CEP85L: variants seen among roughly 807,000 people sequenced by gnomAD.
The protein encoded by CEP85L is centrosomal protein of 85 kDa-like.
Under a neutral mutation model 100.3 loss-of-function variants are expected in CEP85L, and 60 were observed. The ratio of observed to expected loss-of-function variants is 0.60; its 90% CI spans 0.49 to 0.74. The LOEUF (loss-of-function observed/expected upper bound fraction) is 0.74, where lower values mean the gene tolerates loss of function less well. Among genes scored for constraint, CEP85L ranks in the 30% least tolerant of loss-of-function variants. The pLI is 0.00. For synonymous variants in CEP85L, 319 were observed against 322.7 expected, an observed-to-expected ratio of 0.99 and a Z score of 0.12; for missense variants, 973 against 936.2, an observed-to-expected ratio of 1.04 and a Z score of -0.51.
intron 5 of CEP85L, among the ~76,000 whole-genome samples, chr6:118,500,631 C>A (rs1775233724): frequency 6.6e-6 from 1 of 152,182 alleles, no homozygotes; most frequent in Non-Finnish European, 1.5e-5. Flanking sequence ...CCCCTTCTTC[C>A]AATTATACTC....
chr6:118,693,087 C>A (rs953271543), intron 1 of CEP85L, among the ~76,000 whole-genome samples: 3 of 152,206 alleles, frequency 2.0e-5, no homozygotes, highest in African/African-American at 7.2e-5. Flanking sequence ...TGTTGAAAAG[C>A]AGCTGAAATT....
At chr6:118,644,552 CTT>C (rs1775066150) in intron 1 of CEP85L, among the ~76,000 whole-genome samples, 3 of 152,090 alleles carry the variant, frequency 2.0e-5, no homozygotes, top group Non-Finnish European at 4.4e-5. Flanking sequence ...AAAAAGAACT[CTT>C]GATTCCATTT....
chr6:118,614,478 G>GT (rs1439317792), intron 2 of CEP85L, among the ~76,000 whole-genome samples: 1 of 152,112 alleles, frequency 6.6e-6, no homozygotes, highest in African/African-American at 2.4e-5. Context: ...AAATTCCAAG[G>GT]TATCTACCAA....
chr6:118,503,883 CTT>C (rs1775474108), intron 5 of CEP85L, among the ~76,000 whole-genome samples: 1 of 144,652 alleles, frequency 6.9e-6, no homozygotes, highest in Admixed American at 6.8e-5. Context: ...ATGGCAATGA[CTT>C]TTTAGATATA....
intron 1 of CEP85L, among the ~76,000 whole-genome samples, chr6:118,646,510 A>C (rs115071135): frequency 6.0e-4 from 91 of 152,100 alleles, no homozygotes; most frequent in African/African-American, 2.1e-3. Flanking sequence ...CTCTACAAAA[A>C]TACAAAACAT....
chr6:118,594,591 G>T (rs117688959), intron 2 of CEP85L, among the ~76,000 whole-genome samples: 1 of 151,858 alleles, frequency 6.6e-6, no homozygotes, highest in Non-Finnish European at 1.5e-5. Context: ...AGAACTCGCC[G>T]GGCACGGTGG....
rs563283370 is a variant in CEP85L, at chr6:118,566,029, C to T, written c.520G>A (p.Val174Ile). ...CCATTCCTTGACTCTTCTCTGCATA[C>T]AGTGCCACCCTGGCCACAGTTATCC... ...APDNCGQGGT[V>I]CREESRNGLE... Residue 174 changes from valine to isoleucine, a missense_variant, in exon 3 of 13, where the codon GTA becomes ATA. Around this residue, in one of 3 missense-constraint regions of CEP85L, gnomAD observed 890 missense variants for 844.5 expected, o/e 1.05. Transcript: ENST00000368491. 5 of 1,614,226 alleles carry T rather than the reference C, an allele frequency of 3.1e-6. No individual in the cohort carries two copies. The highest frequency in any genetic ancestry group is 4.2e-6 in the Non-Finnish European group (5 of 1,180,048).
At chr6:118,569,761 A>C (rs1779774577) in intron 2 of CEP85L, among the ~76,000 whole-genome samples, 1 of 151,902 alleles carries the variant, frequency 6.6e-6, no homozygotes, top group Admixed American at 6.5e-5. Flanking sequence ...ACCCATACAT[A>C]TAAAGAGCTT....
At chr6:118,518,356 G>C (rs966706730) in intron 4 of CEP85L, among the ~76,000 whole-genome samples, 2 of 152,154 alleles carry the variant, frequency 1.3e-5, no homozygotes, top group African/African-American at 4.8e-5. Flanking sequence ...AATCTGTCTG[G>C]TCTTGGACTT....
chr6:118,702,999 A>AC (rs1189338819), intron 1 of CEP85L, among the ~76,000 whole-genome samples: 26 of 150,534 alleles, frequency 1.7e-4, no homozygotes, highest in East Asian at 3.9e-4. Context: ...CTGTCTCAAA[A>AC]AAAAAAAAAA....
chr6:118,700,942 G>C (rs1777383882), intron 1 of CEP85L, among the ~76,000 whole-genome samples: 1 of 152,156 alleles, frequency 6.6e-6, no homozygotes, highest in Admixed American at 6.5e-5. Context: ...CAGTTCTCTT[G>C]TTCTGCTCTC....
At chr6:118,542,255 T>C (rs1315101229) in intron 3 of CEP85L, among the ~76,000 whole-genome samples, 2 of 152,196 alleles carry the variant, frequency 1.3e-5, no homozygotes, top group Non-Finnish European at 2.9e-5. Context: ...ATATTTAAAA[T>C]TATTCTCCAA....
At chr6:118,534,754 T>C (rs965381833) in intron 3 of CEP85L, among the ~76,000 whole-genome samples, 1 of 152,110 alleles carries the variant, frequency 6.6e-6, no homozygotes, top group African/African-American at 2.4e-5. Context: ...GTGCAGTCAG[T>C]CATGCCTGTA....
upstream of CEP85L, chr6:118,651,740 C>G (rs189939948): frequency 2.5e-5 from 25 of 986,738 alleles, no homozygotes; most frequent in Non-Finnish European, 3.0e-5. Flanking sequence ...ACCCCGACCC[C>G]GCTTCGCCTC....
rs550914108 is a variant in CEP85L, at chr6:118,613,675, T to C, written c.232+18778A>G. 4.8e-5 allele frequency among the ~76,000 whole-genome samples: 7 copies of C among 147,258 alleles called. No homozygotes were observed. The South Asian group carries it at 1.5e-3, about 31-fold the overall frequency. ...GGGAGGCTGAGGAAGGAGAATCGCT[T>C]GAACCCAGGAGTTGGAGGTTGTGGT... is the stretch of plus-strand genomic sequence containing the variant. On this transcript the variant is annotated intron_variant, in intron 2 of 12. Coordinates refer to ENST00000368491, the MANE Select transcript of CEP85L (RefSeq NM_001042475.3).
intron 2 of CEP85L, among the ~76,000 whole-genome samples, chr6:118,566,824 T>C (rs1481597724): frequency 1.3e-5 from 2 of 152,196 alleles, no homozygotes; most frequent in South Asian, 2.1e-4. Flanking sequence ...TAAATATGGA[T>C]ACCTAATAGA....
chr6:118,475,242 A>T (rs909137863), intron 10 of CEP85L, among the ~76,000 whole-genome samples: 1 of 152,184 alleles, frequency 6.6e-6, no homozygotes, highest in Admixed American at 6.5e-5. Flanking sequence ...TCGAGATGAT[A>T]AAAATGTTCT....
rs527276708 is a variant in CEP85L, at chr6:118,632,911, A to T, written c.74-300T>A. On this transcript the variant is annotated intron_variant, in intron 1 of 12. Transcript: ENST00000368491. ...TGTTGGAACTATCCACTTATCTTCA[A>T]ATGTCAGTACTCTGCTCTAGAATAA... Among the ~76,000 whole-genome samples the T allele has an allele frequency of 5.3e-4, 80 of 152,304 alleles. No homozygotes were observed. In the Middle Eastern group the frequency reaches 0.01, roughly 19 times the overall value.
Position 118,632,573 on chromosome 6 carries a change from A to T in CEP85L, c.112T>A (p.Ser38Thr). 1 of 1,612,634 alleles carries T rather than the reference A, an allele frequency of 6.2e-7. No individual in the cohort carries two copies. Among genetic ancestry groups the T allele is most frequent in the Non-Finnish European group, 8.5e-7 (1 of 1,179,486 alleles). The change falls in exon 2 of 13, where the codon TCA becomes ACA. Residue 38 changes from serine to threonine, a missense_variant. Coordinates refer to ENST00000368491, the MANE Select transcript of CEP85L (RefSeq NM_001042475.3). ...GGAACAGTTGTGGCCTGCCACAATG[A>T]TTCATTAGCAGGTAGCCATGCTGAT... ...YSSAWLPANE[S>T]LWQATTVPSN...
Sources: gnomAD v4.1 joint callset for allele counts (sites outside exome capture counted in the v4.1 genomes callset) on GRCh38, gnomAD v4.1.1 for gene constraint, gnomAD v4.1.1 regional missense constraint, MANE v1.5 for transcripts, NCBI Gene and HGNC (gene_info 2026-07-23, HGNC 2026-07-21) for gene names.